Variants in DCC observed in about 807,000 individuals in gnomAD.
DCC encodes netrin receptor DCC.
Under a neutral mutation model 172.5 loss-of-function variants are expected in DCC, and 58 were observed. That is an observed-to-expected ratio of 0.34 (90% CI 0.27 to 0.42). DCC has a LOEUF of 0.42. Among genes scored for constraint, DCC ranks in the 10% least tolerant of loss-of-function variants. DCC has a pLI of 1.00. For missense variants in DCC, 1,740 were observed against 1,791.0 expected, an observed-to-expected ratio of 0.97 and a Z score of 0.51; for synonymous variants, 709 against 644.5, an observed-to-expected ratio of 1.10 and a Z score of -1.52.
intron 1 of DCC, among the ~76,000 whole-genome samples, chr18:52,462,158 T>A (rs372852987): frequency 6.6e-6 from 1 of 152,158 alleles, no homozygotes; most frequent in South Asian, 2.1e-4. Context: ...ATAAGCACAA[T>A]AAGAAGTGAT....
intron 1 of DCC, among the ~76,000 whole-genome samples, chr18:52,475,870 T>G (rs961606339): frequency 3.9e-5 from 6 of 152,198 alleles, no homozygotes; most frequent in African/African-American, 9.7e-5. Context: ...TCAATCAGGA[T>G]TTCAACCTCC....
At chr18:53,403,116 ACACG>A (rs1909432653) in intron 19 of DCC, among the ~76,000 whole-genome samples, 1 of 116,398 alleles carries the variant, frequency 8.6e-6, no homozygotes, top group African/African-American at 3.0e-5. Context: ...ACACACACAC[ACACG>A]TCATTTGATT....
chr18:52,787,865 T>G (rs1309461711), intron 2 of DCC, among the ~76,000 whole-genome samples: 1 of 152,184 alleles, frequency 6.6e-6, no homozygotes, highest in East Asian at 1.9e-4. Flanking sequence ...AAAATCCTGT[T>G]AAAAGCCAAA....
intron 1 of DCC, among the ~76,000 whole-genome samples, chr18:52,423,408 T>A (rs773078869): frequency 1.3e-5 from 2 of 152,064 alleles, no homozygotes; most frequent in African/African-American, 4.8e-5. Flanking sequence ...CATTGGACCA[T>A]GAAATGTCTG....
At chr18:52,714,831 C>T (rs771032304) in intron 1 of DCC, among the ~76,000 whole-genome samples, 10 of 152,142 alleles carry the variant, frequency 6.6e-5, no homozygotes, top group Admixed American at 2.6e-4. Context: ...AGAAATGTTA[C>T]GGATATAAAA....
At chr18:53,098,931 G>C (rs894172665) in intron 7 of DCC, among the ~76,000 whole-genome samples, 4 of 152,048 alleles carry the variant, frequency 2.6e-5, no homozygotes, top group Non-Finnish European at 2.9e-5. Flanking sequence ...AGGATTGCTT[G>C]AGCCCACGAA....
intron 2 of DCC, among the ~76,000 whole-genome samples, chr18:52,854,371 C>A (rs376621833): frequency 6.6e-6 from 1 of 151,854 alleles, no homozygotes; most frequent in East Asian, 1.9e-4. Context: ...TTCTGTGAGA[C>A]GAGATGGGGA....
At chr18:52,731,072 G>A (rs1054222096) in intron 1 of DCC, among the ~76,000 whole-genome samples, 5 of 152,124 alleles carry the variant, frequency 3.3e-5, no homozygotes, top group Admixed American at 6.5e-5. Context: ...ATAAATCACA[G>A]CCACAACAGG....
intron 2 of DCC, among the ~76,000 whole-genome samples, chr18:52,825,814 G>A (rs2038499264): frequency 6.6e-6 from 1 of 152,118 alleles, no homozygotes; most frequent in Non-Finnish European, 1.5e-5. Flanking sequence ...TCAGATAAAA[G>A]TTGCGCTGTG....
At chr18:52,798,486 G>C (rs554780866) in intron 2 of DCC, among the ~76,000 whole-genome samples, 74 of 152,232 alleles carry the variant, frequency 4.9e-4, no homozygotes, top group African/African-American at 1.7e-3. Flanking sequence ...TTACAGGCAT[G>C]AGCCACTGCA....
intron 1 of DCC, among the ~76,000 whole-genome samples, chr18:52,479,087 G>T (rs1989178146): frequency 6.9e-6 from 1 of 145,744 alleles, no homozygotes; most frequent in African/African-American, 2.6e-5. Flanking sequence ...TTAGAATGGT[G>T]GGAATAATAG....
intron 5 of DCC, among the ~76,000 whole-genome samples, chr18:52,997,850 C>T (rs73956754): frequency 0.038 from 5,700 of 151,970 alleles, 333 homozygotes; most frequent in African/African-American, 0.13. Context: ...CTTTCTAGAA[C>T]GCTTTCTCCC....
chr18:52,862,168 A>G (rs2039153886), intron 2 of DCC, among the ~76,000 whole-genome samples: 1 of 152,212 alleles, frequency 6.6e-6, no homozygotes, highest in African/African-American at 2.4e-5. Flanking sequence ...TGATTTTTAC[A>G]TACCAGATAA....
At chr18:52,955,023 T>C (rs2040718771) in intron 5 of DCC, among the ~76,000 whole-genome samples, 1 of 152,174 alleles carries the variant, frequency 6.6e-6, no homozygotes, top group Non-Finnish European at 1.5e-5. Flanking sequence ...CAATGATGCA[T>C]TCGTGATAAT....
intron 1 of DCC, among the ~76,000 whole-genome samples, chr18:52,546,656 T>A (rs1002720622): frequency 2.1e-5 from 3 of 142,180 alleles, no homozygotes; most frequent in African/African-American, 7.9e-5. Flanking sequence ...TGATCAATAA[T>A]AATATCATCA....
chr18:53,043,555 A>G lies in DCC; in HGVS notation c.986-19750A>G, dbSNP rs542665371. On this transcript the variant is annotated intron_variant, in intron 5 of 28. Coordinates refer to ENST00000442544, the MANE Select transcript of DCC (RefSeq NM_005215.4). ...TATTCTCCAAAGCCTAGTTCCCTGA[A>G]TAAGCAAACCACCATAAGCAATTAA... Among the ~76,000 whole-genome samples the G allele has an allele frequency of 1.4e-4, 21 of 152,072 alleles. No individual in the cohort carries two copies. In the South Asian group the frequency reaches 4.1e-3, roughly 30 times the overall value.
intron 27 of DCC, among the ~76,000 whole-genome samples, chr18:53,515,048 C>T (rs1204085027): frequency 6.6e-6 from 1 of 151,940 alleles, no homozygotes; most frequent in African/African-American, 2.4e-5. Context: ...CAAAAATCCT[C>T]AATAAAATAC....
intron 1 of DCC, among the ~76,000 whole-genome samples, chr18:52,451,717 C>T (rs934107999): frequency 4.0e-5 from 6 of 151,886 alleles, no homozygotes; most frequent in African/African-American, 1.2e-4. Flanking sequence ...TACCTAATGA[C>T]TACAAATTGC....
chr18:52,860,049 C>T (rs983809018), intron 2 of DCC, among the ~76,000 whole-genome samples: 1 of 152,202 alleles, frequency 6.6e-6, no homozygotes, highest in Non-Finnish European at 1.5e-5. Context: ...AGGTGCATTG[C>T]CAATGGGCTA....
Sources: allele counts gnomAD v4.1 joint callset (sites outside exome capture counted in the v4.1 genomes callset), GRCh38; gene constraint gnomAD v4.1.1; transcripts MANE v1.5; gene names NCBI Gene and HGNC (gene_info 2026-07-23, HGNC 2026-07-21).